NPAS3: variants seen among roughly 807,000 people sequenced by gnomAD.
NPAS3 encodes the protein neuronal PAS domain protein 3, also known as neuronal PAS domain-containing protein 3.
In NPAS3, 14 loss-of-function variants were observed where a neutral mutation model predicts 73.1. The observed-to-expected ratio is 0.19, with a 90% confidence interval of 0.13 to 0.30. The LOEUF (loss-of-function observed/expected upper bound fraction) is 0.30. Among genes scored for constraint, NPAS3 ranks in the 10% least tolerant of loss-of-function variants. NPAS3 has a pLI of 1.00. For missense variants in NPAS3, 1,096 were observed against 1,250.0 expected (o/e 0.88, Z 1.86); for synonymous variants, 620 against 541.5 (o/e 1.14, Z -2.01).
intron 3 of NPAS3, among the ~76,000 whole-genome samples, chr14:33,300,683 G>C (rs370639177): frequency 2.6e-5 from 4 of 152,260 alleles, no homozygotes; most frequent in African/African-American, 9.6e-5. Flanking sequence ...TAGAGCAGGG[G>C]AGAGGCTCTG....
chr14:33,480,038 C>T (rs1210606245), intron 4 of NPAS3, among the ~76,000 whole-genome samples: 1 of 152,084 alleles, frequency 6.6e-6, no homozygotes, highest in Non-Finnish European at 1.5e-5. Flanking sequence ...CAAACTCAAC[C>T]TTTTGGATAG....
chr14:33,429,274 G>A (rs17101090), intron 4 of NPAS3, among the ~76,000 whole-genome samples: 26,216 of 152,042 alleles, frequency 0.17, 2,572 homozygotes, highest in Admixed American at 0.27. Flanking sequence ...CTTCCCAGGC[G>A]AATGTAGCTG....
At chr14:33,455,773 A>T (rs147367473) in intron 4 of NPAS3, among the ~76,000 whole-genome samples, 1 of 152,348 alleles carries the variant, frequency 6.6e-6, no homozygotes, top group East Asian at 1.9e-4. Flanking sequence ...ATTAAACAGG[A>T]TGTTAACGAG....
At chr14:33,148,585 A>G (rs1038910554) in intron 2 of NPAS3, among the ~76,000 whole-genome samples, 1 of 152,216 alleles carries the variant, frequency 6.6e-6, no homozygotes, top group Non-Finnish European at 1.5e-5. Flanking sequence ...TGTGCTAAGT[A>G]AAATATGTTT....
At chr14:32,965,799 T>C (rs929536100) in intron 1 of NPAS3, among the ~76,000 whole-genome samples, 3 of 152,200 alleles carry the variant, frequency 2.0e-5, no homozygotes, top group African/African-American at 4.8e-5. Flanking sequence ...TGATCTTGTA[T>C]ATAGAAAACT....
At chr14:33,290,860 A>C (rs2042072435) in intron 3 of NPAS3, among the ~76,000 whole-genome samples, 1 of 152,218 alleles carries the variant, frequency 6.6e-6, no homozygotes. Context: ...TTTGTAATAC[A>C]GTAAGTTTAA....
chr14:33,438,926 C>G (rs2049110660), intron 4 of NPAS3, among the ~76,000 whole-genome samples: 1 of 152,126 alleles, frequency 6.6e-6, no homozygotes, highest in Non-Finnish European at 1.5e-5. Context: ...TGTTGACTGT[C>G]AGTGACATAC....
At chr14:33,153,665 A>G (rs910059738) in intron 2 of NPAS3, among the ~76,000 whole-genome samples, 1 of 152,136 alleles carries the variant, frequency 6.6e-6, no homozygotes, top group African/African-American at 2.4e-5. Flanking sequence ...CTGAGACCAG[A>G]CATCTAATTG....
intron 2 of NPAS3, among the ~76,000 whole-genome samples, chr14:33,126,172 A>C (rs1485335751): frequency 6.6e-6 from 1 of 152,120 alleles, no homozygotes; most frequent in Non-Finnish European, 1.5e-5. Context: ...TCGACTTTTC[A>C]GTTTTATATT....
intron 6 of NPAS3, among the ~76,000 whole-genome samples, chr14:33,709,382 G>A (rs2060753390): frequency 1.3e-5 from 2 of 152,186 alleles, no homozygotes; most frequent in South Asian, 4.1e-4. Context: ...AGGAGAGGCA[G>A]AAGTGAATTC....
At chr14:33,276,194 G>A (rs554735123) in intron 3 of NPAS3, among the ~76,000 whole-genome samples, 1 of 152,234 alleles carries the variant, frequency 6.6e-6, no homozygotes, top group African/African-American at 2.4e-5. Context: ...AGTTGATAAA[G>A]AGCTATGGAT....
chr14:33,417,428 A>G (rs1283280386), intron 4 of NPAS3, among the ~76,000 whole-genome samples: 1 of 152,038 alleles, frequency 6.6e-6, no homozygotes, highest in Admixed American at 6.6e-5. Context: ...TTGGTATTGC[A>G]TGACACAGGG....
chr14:33,065,914 T>A (rs916301225), intron 2 of NPAS3, among the ~76,000 whole-genome samples: 1 of 152,134 alleles, frequency 6.6e-6, no homozygotes, highest in Admixed American at 6.6e-5. Context: ...TGATGATTCT[T>A]CTCTTTGCTT....
At chr14:33,404,876 G>A (rs2047595899) in intron 4 of NPAS3, among the ~76,000 whole-genome samples, 1 of 152,072 alleles carries the variant, frequency 6.6e-6, no homozygotes, top group Non-Finnish European at 1.5e-5. Flanking sequence ...CTTCCTCTCT[G>A]GGAGACAGGT....
rs565572457 is a variant in NPAS3, at chr14:33,327,196, T to G, written c.386-39990T>G. On this transcript the variant is annotated intron_variant, in intron 3 of 11. Coordinates refer to ENST00000356141, the Ensembl canonical transcript of NPAS3. ...ATTACTCAAATGTTTGAAAGGCTTCTGTACCTTTCCTCATTCAATGTTAGA... is the reference window on the plus strand; with the variant it reads ...ATTACTCAAATGTTTGAAAGGCTTCGGTACCTTTCCTCATTCAATGTTAGA... Among the ~76,000 whole-genome samples, 10 of 152,372 alleles carry G rather than the reference T, an allele frequency of 6.6e-5. No individual in the cohort carries two copies. The South Asian group carries it at 2.1e-3, about 32-fold the overall frequency.
At chr14:33,048,106 G>A (rs1268499278) in intron 1 of NPAS3, among the ~76,000 whole-genome samples, 1 of 152,036 alleles carries the variant, frequency 6.6e-6, no homozygotes, top group Non-Finnish European at 1.5e-5. Context: ...TGTAAACTAG[G>A]CTCTACTCAT....
intron 1 of NPAS3, among the ~76,000 whole-genome samples, chr14:33,035,793 G>A (rs1355715520): frequency 6.6e-6 from 1 of 152,096 alleles, no homozygotes; most frequent in Non-Finnish European, 1.5e-5. Flanking sequence ...GCCCTCCTTA[G>A]CAGCATCTTT....
At chr14:32,973,533 ATT>A (rs71432099) in intron 1 of NPAS3, among the ~76,000 whole-genome samples, 1,404 of 128,864 alleles carry the variant, frequency 0.011, 9 homozygotes, top group South Asian at 0.026. Context: ...GTATATTTTG[ATT>A]TTTTTTTTTT....
chr14:33,562,899 GCACA>G (rs56063953), intron 5 of NPAS3, among the ~76,000 whole-genome samples: 18 of 149,822 alleles, frequency 1.2e-4, no homozygotes, highest in Middle Eastern at 3.4e-3. Context: ...TCTTTTATGA[GCACA>G]CACACACACA....
Sources: allele counts gnomAD v4.1 joint callset (sites outside exome capture counted in the v4.1 genomes callset), GRCh38; gene constraint gnomAD v4.1.1; transcripts MANE v1.5; gene names NCBI Gene and HGNC (gene_info 2026-07-23, HGNC 2026-07-21).